Variants in CNTN1 observed in about 807,000 individuals in gnomAD.
The protein encoded by CNTN1 is contactin 1.
Under a neutral mutation model 126.4 loss-of-function variants are expected in CNTN1, and 38 were observed. That is an observed-to-expected ratio of 0.30 (90% CI 0.23 to 0.39). The LOEUF is 0.39. Among genes scored for constraint, CNTN1 ranks in the 10% least tolerant of loss-of-function variants. CNTN1 has a pLI of 1.00. For missense variants in CNTN1, 1,009 were observed against 1,248.4 expected, an observed-to-expected ratio of 0.81 and a Z score of 2.89; for synonymous variants, 413 against 422.6, an observed-to-expected ratio of 0.98 and a Z score of 0.28.
At chr12:41,029,685 A>G (rs953841689) in intron 23 of CNTN1, among the ~76,000 whole-genome samples, 5 of 152,172 alleles carry the variant, frequency 3.3e-5, no homozygotes, top group African/African-American at 1.2e-4. Flanking sequence ...TTTAATAATA[A>G]CCAAACTTCT....
At chr12:40,836,100 ACG>A (rs1234677073) in intron 1 of CNTN1, among the ~76,000 whole-genome samples, 5 of 148,480 alleles carry the variant, frequency 3.4e-5, no homozygotes, top group African/African-American at 1.2e-4. Context: ...GTATATATAT[ACG>A]TACATATACA....
chr12:40,752,645 A>G (rs1160905403), intron 1 of CNTN1, among the ~76,000 whole-genome samples: 1 of 152,088 alleles, frequency 6.6e-6, no homozygotes, highest in Admixed American at 6.6e-5. Flanking sequence ...TATTGTTTAT[A>G]ATTCTAATCT....
chr12:40,751,805 A>G (rs1938415314), intron 1 of CNTN1, among the ~76,000 whole-genome samples: 1 of 152,080 alleles, frequency 6.6e-6, no homozygotes, highest in African/African-American at 2.4e-5. Context: ...ACATCTACCT[A>G]TTGACCTCCA....
intron 3 of CNTN1, among the ~76,000 whole-genome samples, chr12:40,916,064 C>A (rs996094539): frequency 6.6e-6 from 1 of 152,038 alleles, no homozygotes; most frequent in African/African-American, 2.4e-5. Context: ...CTTAGAAGAT[C>A]TTTATGAACT....
intron 1 of CNTN1, among the ~76,000 whole-genome samples, chr12:40,823,344 TA>T (rs1383872659): frequency 6.6e-6 from 1 of 152,184 alleles, no homozygotes; most frequent in African/African-American, 2.4e-5. Flanking sequence ...TATGAAGTCA[TA>T]AATCCTGGAT....
At chr12:40,843,969 G>T (rs1388571224) in intron 1 of CNTN1, among the ~76,000 whole-genome samples, 1 of 151,346 alleles carries the variant, frequency 6.6e-6, no homozygotes, top group Non-Finnish European at 1.5e-5. Flanking sequence ...TTTTCACATA[G>T]ATATATTTGG....
In CNTN1 at chr12:40,922,421, C is replaced by T; in HGVS notation, c.393C>T (p.Ser131=). The change falls in exon 5 of 24, where the codon AGC becomes AGT. Residue 131 remains serine (S), a synonymous_variant. Coordinates refer to ENST00000551295, the MANE Select transcript of CNTN1 (RefSeq NM_001843.4). Reference sequence around the variant, plus strand: ...TCAGAAGCACTGAAGCAACCCTGAGCTTTGGATGTAAGTAAACTGTAACTT... The same window carrying T: ...TCAGAAGCACTGAAGCAACCCTGAGTTTTGGATGTAAGTAAACTGTAACTT... The part of the protein sequence containing the change: ...GMVRSTEATL[S]FGYLDPFPPE... 6.2e-7 allele frequency: 1 copy of T among 1,613,818 alleles called. No individual in the cohort carries two copies. Among genetic ancestry groups the T allele is most frequent in the Non-Finnish European group, 8.5e-7 (1 of 1,179,840 alleles).
chr12:41,023,097 TG>T (rs1368576620), intron 20 of CNTN1, among the ~76,000 whole-genome samples: 6 of 152,160 alleles, frequency 3.9e-5, no homozygotes, highest in Non-Finnish European at 8.8e-5. Flanking sequence ...GAGAAGCCAA[TG>T]GTTTAACAAG....
In CNTN1 at chr12:40,929,655, T is replaced by G. The variant is rs2136906080; in HGVS notation, c.497-141T>G. 4.4e-6 allele frequency: 3 copies of G among 680,222 alleles called. No individual in the cohort carries two copies. The East Asian group carries it at 8.1e-5, about 18-fold the overall frequency. The allele number at this position is 680,222 out of a possible 1,614,324, so 42.1% of individuals were successfully genotyped here. The stretch of plus-strand genomic sequence containing the variant: ...ATGGTACATGTTTAAAAGTGTGCAC[T>G]GTTTGTCTTGGCTTTCTCCTAACAT... On this transcript the variant is annotated intron_variant, in intron 6 of 23. Coordinates refer to ENST00000551295, the MANE Select transcript of CNTN1 (RefSeq NM_001843.4).
At chr12:40,962,582 G>C (rs1947142910) in intron 15 of CNTN1, among the ~76,000 whole-genome samples, 2 of 152,084 alleles carry the variant, frequency 1.3e-5, no homozygotes, top group African/African-American at 2.4e-5. Context: ...TAGAAATGAA[G>C]AAAGCAGTGG....
chr12:40,701,330 T>C lies in CNTN1; in HGVS notation c.-77+8738T>C, dbSNP rs547559477. Among the ~76,000 whole-genome samples, 3 of 152,294 alleles carry C rather than the reference T, an allele frequency of 2.0e-5. No homozygotes were observed. In the South Asian group the frequency reaches 6.2e-4, roughly 32 times the overall value. On this transcript the variant is annotated intron_variant, in intron 1 of 23. Coordinates refer to ENST00000551295, the MANE Select transcript of CNTN1 (RefSeq NM_001843.4). Reference sequence around the variant, plus strand: ...AATATGCCTCTAATAGGCCAATCATTTGAATTTTGACACAAGCACCAGAAG... The same window carrying C: ...AATATGCCTCTAATAGGCCAATCATCTGAATTTTGACACAAGCACCAGAAG...
At chr12:40,896,653 T>C (rs1262506589) in intron 1 of CNTN1, among the ~76,000 whole-genome samples, 1 of 152,226 alleles carries the variant, frequency 6.6e-6, no homozygotes, top group East Asian at 1.9e-4. Context: ...AAAATACTTC[T>C]CCAAAATACT....
At chr12:40,758,078 T>C (rs1024941155) in intron 1 of CNTN1, among the ~76,000 whole-genome samples, 4 of 151,268 alleles carry the variant, frequency 2.6e-5, no homozygotes, top group African/African-American at 9.7e-5. Flanking sequence ...ACACTTTAAT[T>C]TGGTGCCTTA....
intron 1 of CNTN1, among the ~76,000 whole-genome samples, chr12:40,859,385 A>C (rs1943039155): frequency 6.6e-6 from 1 of 152,154 alleles, no homozygotes; most frequent in East Asian, 1.9e-4. Flanking sequence ...GTAGGATATA[A>C]AAGATAAGAT....
intron 1 of CNTN1, among the ~76,000 whole-genome samples, chr12:40,811,346 T>A (rs1242632615): frequency 2.0e-5 from 3 of 152,192 alleles, no homozygotes; most frequent in Non-Finnish European, 4.4e-5. Flanking sequence ...TCTATGTTTA[T>A]CAGAATTGGC....
chr12:40,725,365 C>A (rs1414613203), intron 1 of CNTN1, among the ~76,000 whole-genome samples: 2 of 136,420 alleles, frequency 1.5e-5, no homozygotes, highest in African/African-American at 5.6e-5. Flanking sequence ...CACACCATTG[C>A]ACTCCAGCCT....
intron 15 of CNTN1, among the ~76,000 whole-genome samples, chr12:40,978,588 A>T (rs1947743163): frequency 6.6e-6 from 1 of 152,174 alleles, no homozygotes; most frequent in Admixed American, 6.6e-5. Context: ...CCAGACATGT[A>T]TCCGAGAAAA....
At chr12:40,817,644 T>G (rs1237436143) in intron 1 of CNTN1, among the ~76,000 whole-genome samples, 1 of 152,064 alleles carries the variant, frequency 6.6e-6, no homozygotes, top group African/African-American at 2.4e-5. Flanking sequence ...GTATTTTAAT[T>G]GAGGCATTTA....
intron 1 of CNTN1, among the ~76,000 whole-genome samples, chr12:40,858,997 G>A (rs970137015): frequency 2.0e-5 from 3 of 152,026 alleles, no homozygotes; most frequent in Admixed American, 2.0e-4. Context: ...TTGGGGGAGG[G>A]AGAGCATCAG....
Sources: gnomAD v4.1 joint callset for allele counts (sites outside exome capture counted in the v4.1 genomes callset) on GRCh38, gnomAD v4.1.1 for gene constraint, MANE v1.5 for transcripts, NCBI Gene and HGNC (gene_info 2026-07-23, HGNC 2026-07-21) for gene names.